CSMD1: variants seen among roughly 807,000 people sequenced by gnomAD.
The protein encoded by CSMD1 is CUB and sushi domain-containing protein 1.
A neutral mutation model predicts 417.5 loss-of-function variants in CSMD1; 213 were observed. That is an observed-to-expected ratio of 0.51 (90% CI 0.46 to 0.57). The LOEUF is 0.57. CSMD1 is among the 20% of genes least tolerant of loss of function. The pLI is 0.00. For missense variants in CSMD1, 6,923 were observed against 4,529.7 expected (o/e 1.53, Z -15.17); for synonymous variants, 2,862 against 1,736.8 (o/e 1.65, Z -16.11).
intron 5 of CSMD1, among the ~76,000 whole-genome samples, chr8:3,973,661 C>G (rs1470932122): frequency 6.6e-6 from 1 of 152,184 alleles, no homozygotes; most frequent in South Asian, 2.1e-4. Context: ...TCAAGTACCT[C>G]ACAGTATCCT....
chr8:4,350,912 C>A (rs1343094744), intron 3 of CSMD1, among the ~76,000 whole-genome samples: 1 of 152,204 alleles, frequency 6.6e-6, no homozygotes, highest in Non-Finnish European at 1.5e-5. Flanking sequence ...GTGGGCCGTG[C>A]TTACAGGACC....
At position 3,510,574 on chromosome 8, in the gene CSMD1, C is replaced by T. The variant is rs560938054; in HGVS notation, c.1345-16848G>A. On this transcript the variant is annotated intron_variant, in intron 10 of 69. Coordinates refer to ENST00000635120, the MANE Select transcript of CSMD1 (RefSeq NM_033225.6). ...CATTTGTCACTTGCTTAACACATTA[C>T]GTGGCACAAAATAATGCCTCAAAAA... Among the ~76,000 whole-genome samples, 5 of 151,784 alleles carry T rather than the reference C, an allele frequency of 3.3e-5. No individual in the cohort carries two copies. The East Asian group carries it at 5.8e-4, about 18-fold the overall frequency.
intron 3 of CSMD1, among the ~76,000 whole-genome samples, chr8:4,125,340 C>A (rs952773671): frequency 1.4e-4 from 21 of 152,204 alleles, no homozygotes; most frequent in African/African-American, 4.1e-4. Flanking sequence ...AAGAGCGCAA[C>A]TGTTTGTCTC....
intron 5 of CSMD1, among the ~76,000 whole-genome samples, chr8:3,856,241 C>G (rs1050152944): frequency 2.0e-5 from 3 of 152,046 alleles, no homozygotes; most frequent in African/African-American, 7.2e-5. Context: ...AGCACCTGCT[C>G]TCTCTCTTCT....
chr8:3,420,164 A>G (rs1263532557), intron 12 of CSMD1, among the ~76,000 whole-genome samples: 1 of 152,156 alleles, frequency 6.6e-6, no homozygotes, highest in Non-Finnish European at 1.5e-5. Flanking sequence ...AGTCCTCAAA[A>G]TTATTTGATA....
In CSMD1 at chr8:3,196,024, C is replaced by T. The variant is rs78323811; in HGVS notation, c.5194+3690G>A. On this transcript the variant is annotated intron_variant, in intron 33 of 69. Coordinates refer to ENST00000635120, the MANE Select transcript of CSMD1 (RefSeq NM_033225.6). ...TAAGTCACAGGATGAGGTAGGAGGTCGGCACAAGGTATAGATCACAAAGAC... is the reference window on the plus strand; with the variant it reads ...TAAGTCACAGGATGAGGTAGGAGGTTGGCACAAGGTATAGATCACAAAGAC... 1.8e-3 allele frequency among the ~76,000 whole-genome samples: 275 copies of T among 152,126 alleles called. 2 individuals carry two copies. The highest frequency in any genetic ancestry group is 4.9e-3 in the African/African-American group (203 of 41,502).
intron 3 of CSMD1, among the ~76,000 whole-genome samples, chr8:4,330,726 G>A (rs148039642): frequency 0.023 from 3,455 of 152,186 alleles, 46 homozygotes; most frequent in Middle Eastern, 0.034. Context: ...CCCCAATCAA[G>A]TTCGTGACTT....
At chr8:3,358,720 G>A (rs1661327555) in intron 21 of CSMD1, among the ~76,000 whole-genome samples, 1 of 152,106 alleles carries the variant, frequency 6.6e-6, no homozygotes, top group Non-Finnish European at 1.5e-5. Flanking sequence ...GGCTGCCACT[G>A]ACAACAAAAA....
At chr8:4,607,036 C>T (rs756974041) in intron 2 of CSMD1, among the ~76,000 whole-genome samples, 3 of 152,172 alleles carry the variant, frequency 2.0e-5, no homozygotes, top group South Asian at 4.1e-4. Flanking sequence ...GTTTGAAAAT[C>T]GATCATTTGC....
chr8:4,791,480 A>G (rs569986635), intron 1 of CSMD1, among the ~76,000 whole-genome samples: 10 of 152,244 alleles, frequency 6.6e-5, no homozygotes, highest in Admixed American at 5.9e-4. Context: ...TAATTTTCTC[A>G]CCACAGCGCT....
At chr8:4,932,252 TG>T (rs1807296578) in intron 1 of CSMD1, among the ~76,000 whole-genome samples, 1 of 40,560 alleles carries the variant, frequency 2.5e-5, no homozygotes, top group Non-Finnish European at 5.2e-5. Context: ...ATAACTTCTC[TG>T]GTTTTAAAAA....
At chr8:3,739,385 T>C (rs1584927941) in intron 6 of CSMD1, among the ~76,000 whole-genome samples, 1 of 152,206 alleles carries the variant, frequency 6.6e-6, no homozygotes, top group South Asian at 2.1e-4. Flanking sequence ...CGTTTACAAA[T>C]AGTTAGAAGA....
At chr8:4,246,963 CTT>C (rs1046445206) in intron 3 of CSMD1, among the ~76,000 whole-genome samples, 1 of 152,156 alleles carries the variant, frequency 6.6e-6, no homozygotes, top group African/African-American at 2.4e-5. Context: ...TATGGAAACA[CTT>C]TAGACGAAGT....
intron 1 of CSMD1, among the ~76,000 whole-genome samples, chr8:4,657,096 G>A (rs922882855): frequency 6.6e-6 from 1 of 152,152 alleles, no homozygotes; most frequent in African/African-American, 2.4e-5. Flanking sequence ...GCTAGGCACA[G>A]ATTTTCTCTG....
At chr8:4,563,250 A>C (rs375088917) in intron 2 of CSMD1, among the ~76,000 whole-genome samples, 12 of 152,122 alleles carry the variant, frequency 7.9e-5, no homozygotes, top group African/African-American at 2.9e-4. Flanking sequence ...AAATACAAAA[A>C]ATTAGCCGGA....
intron 3 of CSMD1, among the ~76,000 whole-genome samples, chr8:4,312,602 C>A (rs558074520): frequency 8.7e-5 from 13 of 148,576 alleles, no homozygotes; most frequent in Admixed American, 7.9e-4. Flanking sequence ...GTTGGCCAGG[C>A]ACAGTGTCTC....
At chr8:3,382,970 C>A (rs1392089246) in intron 18 of CSMD1, among the ~76,000 whole-genome samples, 1 of 152,078 alleles carries the variant, frequency 6.6e-6, no homozygotes, top group Non-Finnish European at 1.5e-5. Flanking sequence ...CAGGCATGGC[C>A]ACTTAAACGC....
chr8:3,286,187 T>A (rs763922066), intron 25 of CSMD1, among the ~76,000 whole-genome samples: 3 of 152,202 alleles, frequency 2.0e-5, no homozygotes, highest in Non-Finnish European at 2.9e-5. Context: ...TAGCATTCCA[T>A]GGCGTATATG....
intron 7 of CSMD1, among the ~76,000 whole-genome samples, chr8:3,658,909 A>C (rs1262567525): frequency 6.6e-6 from 1 of 152,230 alleles, no homozygotes; most frequent in African/African-American, 2.4e-5. Flanking sequence ...TCAATTAATA[A>C]TTCCATTCTT....
Sources: gnomAD v4.1 joint callset for allele counts (sites outside exome capture counted in the v4.1 genomes callset) on GRCh38, gnomAD v4.1.1 for gene constraint, MANE v1.5 for transcripts, NCBI Gene and HGNC (gene_info 2026-07-23, HGNC 2026-07-21) for gene names.